ATE1: variants seen among roughly 807,000 people sequenced by gnomAD.
The protein encoded by ATE1 is arginyl-tRNA--protein transferase 1.
ATE1 carries 36 observed loss-of-function variants against 70.5 expected under a neutral mutation model. The observed-to-expected ratio is 0.51, with a 90% CI of 0.39 to 0.67. The LOEUF (loss-of-function observed/expected upper bound fraction) is 0.67. Ranked by LOEUF, ATE1 falls within the 30% of genes least tolerant of loss-of-function variation. The probability of loss-of-function intolerance (pLI) is 0.00; values close to 1 mark genes in which losing one functional copy is unlikely to be tolerated. For missense variants in ATE1, 593 were observed against 629.5 expected (o/e 0.94, Z 0.62); for synonymous variants, 232 against 219.3 (o/e 1.06, Z -0.51).
chr10:121,812,784 C>T (rs994007468), intron 10 of ATE1, among the ~76,000 whole-genome samples: 3 of 152,086 alleles, frequency 2.0e-5, no homozygotes, highest in Non-Finnish European at 2.9e-5. Context: ...CAGCAAGTCC[C>T]TAGAAAAATT....
chr10:121,846,136 A>C (rs1948810917), intron 8 of ATE1, among the ~76,000 whole-genome samples: 1 of 106,766 alleles, frequency 9.4e-6, no homozygotes, highest in African/African-American at 2.6e-5. Context: ...AAAAAAAAAA[A>C]AAAACCCAAA....
At chr10:121,793,504 T>C (rs1946535484) in intron 10 of ATE1, among the ~76,000 whole-genome samples, 1 of 152,176 alleles carries the variant, frequency 6.6e-6, no homozygotes, top group South Asian at 2.1e-4. Flanking sequence ...CCCAAGTTGA[T>C]TTCCCTCACA....
In ATE1 at chr10:121,927,844, C is replaced by A. The variant is rs771214468; in HGVS notation, c.106G>T (p.Gly36Cys). The A allele has an allele frequency of 6.4e-7, 1 of 1,573,394 alleles. No individual in the cohort carries two copies. The highest frequency in any genetic ancestry group is 1.2e-5 in the South Asian group (1 of 86,018). Residue 36 changes from glycine to cysteine, a missense_variant and splice_region_variant, in exon 1 of 12, where the codon GGC becomes TGC. Gly to Cys is a radical substitution (Grantham distance 159). This residue lies in a region of ATE1 where 467 missense variants were observed against 469.6 expected (regional missense o/e 0.99). Coordinates refer to ENST00000224652, the MANE Select transcript of ATE1 (RefSeq NM_001001976.3). ...CKNESGSRSNGMWAHSMTVQD... is the reference protein window; with the variant it reads ...CKNESGSRSNCMWAHSMTVQD... Reference sequence around the variant, plus strand: ...ACGCCCGCCGGCCCGGCTCGCTCACCATTGGAGCGGCTGCCCGACTCGTTC... The same window carrying A: ...ACGCCCGCCGGCCCGGCTCGCTCACAATTGGAGCGGCTGCCCGACTCGTTC...
intron 10 of ATE1, among the ~76,000 whole-genome samples, chr10:121,790,510 T>C (rs553630664): frequency 6.6e-6 from 1 of 152,328 alleles, no homozygotes; most frequent in East Asian, 1.9e-4. Context: ...CGACTTAGGA[T>C]GCCTGTGTTG....
intron 8 of ATE1, among the ~76,000 whole-genome samples, chr10:121,852,243 A>G (rs928424816): frequency 2.6e-5 from 4 of 152,238 alleles, no homozygotes; most frequent in Admixed American, 6.5e-5. Context: ...CCTCTCCCAC[A>G]TTGTACCTGT....
At chr10:121,925,633 G>A (rs1003334443) in intron 1 of ATE1, among the ~76,000 whole-genome samples, 2 of 152,024 alleles carry the variant, frequency 1.3e-5, no homozygotes, top group Admixed American at 6.6e-5. Flanking sequence ...CCAACACTTT[G>A]GAAGGCCAAC....
chr10:121,820,346 G>C (rs879658875), intron 10 of ATE1, among the ~76,000 whole-genome samples: 4 of 152,138 alleles, frequency 2.6e-5, no homozygotes, highest in Non-Finnish European at 4.4e-5. Context: ...AGCATTAATA[G>C]ATTGTATTAT....
chr10:121,889,133 C>T lies in ATE1; in HGVS notation c.942+10733G>A, dbSNP rs1382297550. On this transcript the variant is annotated intron_variant, in intron 7 of 11. Coordinates refer to ENST00000224652, the MANE Select transcript of ATE1 (RefSeq NM_001001976.3). ...GGTTTAAGCGATTTTCCCGCTTTAG[C>T]TTCCCGAGTAGCAATTTCTTAATCT... Among the ~76,000 whole-genome samples, 7 of 152,244 alleles carry T rather than the reference C, an allele frequency of 4.6e-5. No individual in the cohort carries two copies. The South Asian group carries it at 1.2e-3, about 27-fold the overall frequency.
chr10:121,837,750 C>G (rs903538497), intron 9 of ATE1, among the ~76,000 whole-genome samples: 23 of 152,096 alleles, frequency 1.5e-4, no homozygotes, highest in Non-Finnish European at 1.8e-4. Flanking sequence ...TCCAACCAGA[C>G]TAAACAATAT....
chr10:121,795,247 C>CA (rs1169223316), intron 10 of ATE1, among the ~76,000 whole-genome samples: 3 of 151,020 alleles, frequency 2.0e-5, no homozygotes, highest in Non-Finnish European at 3.0e-5. Flanking sequence ...GTCTCTGTCT[C>CA]AAAAAAAATA....
intron 8 of ATE1, among the ~76,000 whole-genome samples, chr10:121,861,954 A>G (rs1949489099): frequency 6.6e-6 from 1 of 152,104 alleles, no homozygotes. Flanking sequence ...GCAGAGTGCC[A>G]ATTATTCTCT....
At chr10:121,856,891 A>C (rs996543631) in intron 8 of ATE1, among the ~76,000 whole-genome samples, 14 of 152,232 alleles carry the variant, frequency 9.2e-5, no homozygotes, top group Non-Finnish European at 2.1e-4. Context: ...AGAATAGTTC[A>C]ACTGAACTTC....
At chr10:121,867,562 C>A (rs1242776992) in intron 8 of ATE1, among the ~76,000 whole-genome samples, 4 of 152,112 alleles carry the variant, frequency 2.6e-5, no homozygotes, top group Non-Finnish European at 5.9e-5. Flanking sequence ...CCGTTGTACA[C>A]CTGTCAAACA....
chr10:121,927,164 C>A (rs895468954), intron 1 of ATE1: 51 of 985,234 alleles, frequency 5.2e-5, no homozygotes, highest in Admixed American at 2.5e-4. Flanking sequence ...CCAAAGAAAT[C>A]TGAATCACGA....
At chr10:121,778,251 G>C (rs2135934536) in intron 11 of ATE1, among the ~76,000 whole-genome samples, 1 of 152,316 alleles carries the variant, frequency 6.6e-6, no homozygotes, top group Admixed American at 6.5e-5. Context: ...TGATCTTTTA[G>C]TGGGGTATGA....
At chr10:121,760,891 T>C (rs781484883) in intron 11 of ATE1, among the ~76,000 whole-genome samples, 36 of 152,214 alleles carry the variant, frequency 2.4e-4, no homozygotes, top group Non-Finnish European at 4.1e-4. Context: ...CCTGCTATAA[T>C]TCATATGTTT....
chr10:121,880,680 A>G (rs1950199500), intron 7 of ATE1, among the ~76,000 whole-genome samples: 1 of 151,934 alleles, frequency 6.6e-6, no homozygotes, highest in South Asian at 2.1e-4. Flanking sequence ...CATATGTAAT[A>G]TATGTTTTAC....
intron 10 of ATE1, among the ~76,000 whole-genome samples, chr10:121,817,354 C>T (rs1165660935): frequency 2.0e-5 from 3 of 152,286 alleles, no homozygotes; most frequent in Admixed American, 1.3e-4. Context: ...CGGTGAAACC[C>T]CGTCTCTACT....
chr10:121,752,441 T>C (rs937804115), intron 11 of ATE1, among the ~76,000 whole-genome samples: 1 of 151,736 alleles, frequency 6.6e-6, no homozygotes, highest in Non-Finnish European at 1.5e-5. Context: ...ATGTTAGCCA[T>C]GATGGTCTCG....
Sources: allele counts gnomAD v4.1 joint callset (sites outside exome capture counted in the v4.1 genomes callset), GRCh38; gene constraint gnomAD v4.1.1; regional missense constraint gnomAD v4.1.1; transcripts MANE v1.5; gene names NCBI Gene and HGNC (gene_info 2026-07-23, HGNC 2026-07-21).